Variants in CLIC6 observed in about 807,000 individuals in gnomAD.
CLIC6 encodes CLIC family member 6.
A neutral mutation model predicts 49.2 loss-of-function variants in CLIC6; 39 were observed. The ratio of observed to expected loss-of-function variants is 0.79; its 90% CI spans 0.61 to 1.04. The LOEUF is 1.04. Among genes scored for constraint, CLIC6 ranks in the 50% least tolerant of loss-of-function variants. The pLI is 0.00. For synonymous variants in CLIC6, 446 were observed against 433.4 expected (o/e 1.03, Z -0.36); for missense variants, 988 against 993.1 (o/e 0.99, Z 0.07).
At chr21:34,706,811 T>C (rs2056017800) in intron 1 of CLIC6, among the ~76,000 whole-genome samples, 1 of 152,212 alleles carries the variant, frequency 6.6e-6, no homozygotes, top group African/African-American at 2.4e-5. Flanking sequence ...CTGACACAAG[T>C]ATTCTACTCT....
At chr21:34,712,040 G>A (rs1440398792) in intron 5 of CLIC6, among the ~76,000 whole-genome samples, 1 of 152,122 alleles carries the variant, frequency 6.6e-6, no homozygotes. Context: ...AGCATTCATG[G>A]CCCCTTGTTT....
chr21:34,716,399 G>T lies in CLIC6; in HGVS notation c.1978G>T (p.Ala660Ser), dbSNP rs141493110. 2 of 1,613,650 alleles carry T rather than the reference G, an allele frequency of 1.2e-6. No individual in the cohort carries two copies. The highest frequency in any genetic ancestry group is 2.7e-5 in the African/African-American group (2 of 74,906). The change falls in exon 6 of 6, where the codon GCT becomes TCT. Residue 660 changes from alanine (A) to serine (S), a missense_variant. Ala to Ser is a moderately conservative substitution (Grantham distance 99, BLOSUM62 1). This residue lies in a region of CLIC6 where 647 missense variants were observed against 596.9 expected (regional missense o/e 1.08). Coordinates refer to ENST00000349499, the MANE Select transcript of CLIC6 (RefSeq NM_053277.3). ...CTGGAGATACTTGAATAATGCTTAT[G>T]CTAGAGATGAGTTCACAAATACGTG... The part of the protein sequence containing the change: ...GIWRYLNNAY[A>S]RDEFTNTCPA...
intron 1 of CLIC6, among the ~76,000 whole-genome samples, chr21:34,701,031 A>T (rs1027274375): frequency 7.2e-6 from 1 of 138,770 alleles, no homozygotes; most frequent in Admixed American, 7.0e-5. Flanking sequence ...TAGGTATAGG[A>T]TGTGTTACTT....
chr21:34,701,692 G>T (rs552326443), intron 1 of CLIC6, among the ~76,000 whole-genome samples: 7 of 152,290 alleles, frequency 4.6e-5, no homozygotes, highest in African/African-American at 1.7e-4. Context: ...ACCCATTCCC[G>T]TCCACCATGT....
chr21:34,678,650 C>A (rs1355853498), intron 1 of CLIC6, among the ~76,000 whole-genome samples: 1 of 151,768 alleles, frequency 6.6e-6, no homozygotes, highest in South Asian at 2.1e-4. Flanking sequence ...TTGTTTTTTG[C>A]CTACAAAAAC....
Position 34,670,606 on chromosome 21 carries a change from C to T in CLIC6, c.1218C>T (p.Ala406=), listed in dbSNP as rs766999094. The change falls in exon 1 of 6, where the codon GCC becomes GCT. Residue 406 remains alanine, a synonymous_variant. Transcript: ENST00000349499. ...CACATGGGGAGGCCTCCAGGGGCGC[C>T]GCGGAGCCTGAGGCCCAGCTCAGCA... is the stretch of plus-strand genomic sequence containing the variant. ...SSPHGEASRG[A]AEPEAQLSNH... 2.6e-6 allele frequency: 4 copies of T among 1,540,036 alleles called. No homozygotes were observed. Among genetic ancestry groups the T allele is most frequent in the Non-Finnish European group, 3.5e-6 (4 of 1,143,790 alleles).
At chr21:34,679,162 A>G (rs1410789155) in intron 1 of CLIC6, among the ~76,000 whole-genome samples, 1 of 152,220 alleles carries the variant, frequency 6.6e-6, no homozygotes, top group Non-Finnish European at 1.5e-5. Flanking sequence ...TAATTGACTC[A>G]CAGTTCTGCA....
rs535696272 is a variant in CLIC6, at chr21:34,715,505, C to G, written c.1900-816C>G. Among the ~76,000 whole-genome samples, 7 of 152,270 alleles carry G rather than the reference C, an allele frequency of 4.6e-5. No individual in the cohort carries two copies. In the South Asian group the frequency reaches 1.4e-3, roughly 32 times the overall value. The stretch of plus-strand genomic sequence containing the variant: ...TGCCTTCAGAGGATCCATGACCCTG[C>G]TGATACCCTGATCTTGGACTTCTGG... On this transcript the variant is annotated intron_variant, in intron 5 of 5. Transcript: ENST00000349499.
chr21:34,694,073 C>T (rs1458475950), intron 1 of CLIC6, among the ~76,000 whole-genome samples: 2 of 149,028 alleles, frequency 1.3e-5, no homozygotes, highest in Non-Finnish European at 3.0e-5. Context: ...CCTGGGTTCA[C>T]GTCATTCTCC....
At chr21:34,683,844 C>T (rs1363339512) in intron 1 of CLIC6, among the ~76,000 whole-genome samples, 2 of 152,188 alleles carry the variant, frequency 1.3e-5, no homozygotes. Context: ...ATAAATTACC[C>T]AGTCTCTGGT....
intron 1 of CLIC6, among the ~76,000 whole-genome samples, chr21:34,679,462 C>T (rs114387872): frequency 0.027 from 4,122 of 152,242 alleles, 187 homozygotes; most frequent in African/African-American, 0.093. Context: ...CCAGGCCCCT[C>T]CCAAATCTCA....
intron 1 of CLIC6, among the ~76,000 whole-genome samples, chr21:34,675,140 C>T (rs1171246630): frequency 6.6e-6 from 1 of 151,710 alleles, no homozygotes; most frequent in Non-Finnish European, 1.5e-5. Context: ...CATTTGTATT[C>T]ACATTTGGGT....
At chr21:34,709,241 C>T in intron 4 of CLIC6, 116 bp from the exon 5 acceptor site, 1 of 829,792 alleles carries the variant, frequency 1.2e-6, no homozygotes, top group Non-Finnish European at 1.9e-6. Flanking sequence ...CTTCCCAGCA[C>T]CCATTGCTTG....
chr21:34,708,613 C>A, intron 3 of CLIC6, 87 bp from the exon 4 acceptor site: 1 of 900,996 alleles, frequency 1.1e-6, no homozygotes, highest in Non-Finnish European at 1.8e-6. Flanking sequence ...TTTTTATGCC[C>A]AGAGAAAGCT....
chr21:34,684,826 A>G (rs902808714), intron 1 of CLIC6, among the ~76,000 whole-genome samples: 5 of 152,252 alleles, frequency 3.3e-5, no homozygotes, highest in Non-Finnish European at 7.3e-5. Flanking sequence ...AGGTCATTCC[A>G]TGTCCCCTTT....
At chr21:34,703,434 C>T (rs533744786) in intron 1 of CLIC6, among the ~76,000 whole-genome samples, 2 of 152,024 alleles carry the variant, frequency 1.3e-5, no homozygotes, top group Admixed American at 1.3e-4. Context: ...AGTCATCGCC[C>T]CGTCAGGTCT....
At chr21:34,706,314 T>C (rs960608175) in intron 1 of CLIC6, among the ~76,000 whole-genome samples, 1 of 152,130 alleles carries the variant, frequency 6.6e-6, no homozygotes, top group Non-Finnish European at 1.5e-5. Flanking sequence ...ACTCACTGAC[T>C]ATCGAAAGGG....
chr21:34,687,387 T>G (rs1309306703), intron 1 of CLIC6, among the ~76,000 whole-genome samples: 1 of 152,206 alleles, frequency 6.6e-6, no homozygotes, highest in Non-Finnish European at 1.5e-5. Context: ...TAATTCCTTG[T>G]GAGAATTTCA....
chr21:34,686,717 C>A (rs1989886920), intron 1 of CLIC6, among the ~76,000 whole-genome samples: 1 of 152,202 alleles, frequency 6.6e-6, no homozygotes, highest in Admixed American at 6.5e-5. Context: ...ACAATCCTAG[C>A]TGAGCCCAGC....
Sources: allele counts gnomAD v4.1 joint callset (sites outside exome capture counted in the v4.1 genomes callset), GRCh38; gene constraint gnomAD v4.1.1; regional missense constraint gnomAD v4.1.1; transcripts MANE v1.5; gene names NCBI Gene and HGNC (gene_info 2026-07-23, HGNC 2026-07-21).